Variants in MACROD2 observed in about 807,000 individuals in gnomAD.
MACROD2 encodes mono-ADP ribosylhydrolase 2, also known as ADP-ribose glycohydrolase MACROD2.
Under a neutral mutation model 70.4 loss-of-function variants are expected in MACROD2, and 36 were observed. That is an observed-to-expected ratio of 0.51 (90% CI 0.39 to 0.68). MACROD2 has a LOEUF of 0.68. MACROD2 is among the 30% of genes least tolerant of loss of function. The pLI is 0.00. For missense variants in MACROD2, 496 were observed against 538.4 expected, an observed-to-expected ratio of 0.92 and a Z score of 0.78; for synonymous variants, 172 against 178.8, an observed-to-expected ratio of 0.96 and a Z score of 0.30.
At position 15,211,355 on chromosome 20, in the gene MACROD2, A is replaced by G. The variant is rs544890085; in HGVS notation, c.419-18585A>G. 1.2e-3 allele frequency among the ~76,000 whole-genome samples: 182 copies of G among 152,240 alleles called. 5 individuals carry two copies. The South Asian group carries it at 0.037, about 31-fold the overall frequency. On this transcript the variant is annotated intron_variant, in intron 5 of 17. Transcript: ENST00000684519. The stretch of plus-strand genomic sequence containing the variant: ...TTCATTCATCAGTTGATGGACATTG[A>G]GTTGTTTCCATTTTGAGCTATTATA...
At chr20:14,625,228 C>T (rs1441116540) in intron 4 of MACROD2, among the ~76,000 whole-genome samples, 1 of 151,824 alleles carries the variant, frequency 6.6e-6, no homozygotes, top group Non-Finnish European at 1.5e-5. Context: ...TCGAGAGGCT[C>T]AGGCAGGAGA....
chr20:15,995,435 C>T (rs530870051), intron 15 of MACROD2, among the ~76,000 whole-genome samples: 9 of 151,470 alleles, frequency 5.9e-5, no homozygotes, highest in Non-Finnish European at 7.4e-5. Context: ...CTGCAAGCTC[C>T]GCCTCCCAGG....
intron 3 of MACROD2, among the ~76,000 whole-genome samples, chr20:14,190,422 G>A (rs1247456039): frequency 1.3e-5 from 2 of 151,690 alleles, no homozygotes; most frequent in African/African-American, 4.8e-5. Flanking sequence ...AGCTTTTGTA[G>A]GTATAGCTAA....
intron 2 of MACROD2, among the ~76,000 whole-genome samples, chr20:14,040,323 AT>A (rs980866884): frequency 7.9e-5 from 12 of 152,292 alleles, no homozygotes; most frequent in South Asian, 2.1e-4. Context: ...ACACAATAGT[AT>A]TTGTGTATCT....
chr20:15,373,568 A>T (rs974735688), intron 6 of MACROD2, among the ~76,000 whole-genome samples: 2 of 151,920 alleles, frequency 1.3e-5, no homozygotes, highest in Non-Finnish European at 2.9e-5. Flanking sequence ...GCACTTAGTT[A>T]GTATTTTTAT....
rs986817529 is a variant in MACROD2 at position 15,336,624 on chromosome 20, C to T, written c.541-94781C>T. On this transcript the variant is annotated intron_variant, in intron 6 of 17. Transcript: ENST00000684519. Reference sequence around the variant, plus strand: ...AGAAGTTTTGGGAAGAATTCAGTTACATTTCAAAAGTCTTGCTCTTCAGAA... The same window carrying T: ...AGAAGTTTTGGGAAGAATTCAGTTATATTTCAAAAGTCTTGCTCTTCAGAA... Among the ~76,000 whole-genome samples, 56 of 83,310 alleles carry T rather than the reference C, an allele frequency of 6.7e-4. 3 individuals are homozygous for T. Among genetic ancestry groups the T allele is most frequent in the African/African-American group, 2.8e-3 (53 of 18,964 alleles). 54.7% of individuals were successfully genotyped at this position (83,310 alleles called of 152,430 possible).
intron 3 of MACROD2, among the ~76,000 whole-genome samples, chr20:14,121,037 A>C (rs1489231797): frequency 6.6e-6 from 1 of 152,036 alleles, no homozygotes; most frequent in Admixed American, 6.6e-5. Context: ...GAAGGAAAAA[A>C]CAGTATTTTT....
At position 15,059,458 on chromosome 20, in the gene MACROD2, A is replaced by G. The variant is rs896791703; in HGVS notation, c.419-170482A>G. Among the ~76,000 whole-genome samples, 14 of 152,326 alleles carry G rather than the reference A, an allele frequency of 9.2e-5. 1 individual carries two copies. The highest frequency in any genetic ancestry group is 3.1e-4 in the African/African-American group (13 of 41,586). Reference sequence around the variant, plus strand: ...ACATTATGATTAAGTGGATCTCAGCAACTGATGTCTTCTGAGATGGGTTGT... The same window carrying G: ...ACATTATGATTAAGTGGATCTCAGCGACTGATGTCTTCTGAGATGGGTTGT... On this transcript the variant is annotated intron_variant, in intron 5 of 17. Transcript: ENST00000684519.
At chr20:15,367,904 T>G (rs898790779) in intron 6 of MACROD2, among the ~76,000 whole-genome samples, 3 of 152,160 alleles carry the variant, frequency 2.0e-5, no homozygotes, top group Non-Finnish European at 2.9e-5. Context: ...TTTTATATAT[T>G]TTTTTCAATT....
At chr20:15,487,673 G>A (rs1420607559) in intron 7 of MACROD2, among the ~76,000 whole-genome samples, 1 of 152,014 alleles carries the variant, frequency 6.6e-6, no homozygotes, top group Non-Finnish European at 1.5e-5. Flanking sequence ...TCATGGCCAA[G>A]GTCTGTCTTA....
In MACROD2 at chr20:14,124,310, G is replaced by A. The variant is rs143648082; in HGVS notation, c.271+38582G>A. On this transcript the variant is annotated intron_variant, in intron 3 of 17. Coordinates refer to ENST00000684519, the MANE Select transcript of MACROD2 (RefSeq NM_001351661.2). ...CATTCCATGGCTTAGGCCACCTTTA[G>A]AGGGAATATACCATGTGAGCTCCTA... Among the ~76,000 whole-genome samples, 450 of 152,196 alleles carry A rather than the reference G, an allele frequency of 3.0e-3. 2 individuals are homozygous for A. The highest frequency in any genetic ancestry group is 0.01 in the African/African-American group (425 of 41,538).
intron 5 of MACROD2, among the ~76,000 whole-genome samples, chr20:15,219,363 A>T (rs2076838727): frequency 6.6e-6 from 1 of 152,162 alleles, no homozygotes; most frequent in South Asian, 2.1e-4. Flanking sequence ...CAGCAATGTA[A>T]GCCACCCTGC....
intron 8 of MACROD2, among the ~76,000 whole-genome samples, chr20:15,859,462 C>G (rs1251339935): frequency 6.6e-6 from 1 of 152,136 alleles, no homozygotes; most frequent in Non-Finnish European, 1.5e-5. Context: ...CGCATGCCAT[C>G]TTGGAAGACA....
intron 4 of MACROD2, among the ~76,000 whole-genome samples, chr20:14,651,030 T>C (rs1346538154): frequency 6.6e-6 from 1 of 152,150 alleles, no homozygotes; most frequent in East Asian, 1.9e-4. Context: ...AGCCACTCCA[T>C]AGAATATTAG....
chr20:15,222,273 TGAAAAGGAACATCTTATA>T (rs2076868723), intron 5 of MACROD2, among the ~76,000 whole-genome samples: 1 of 152,174 alleles, frequency 6.6e-6, no homozygotes, highest in Admixed American at 6.5e-5. Flanking sequence ...TTCGGCAGAT[TGAAAAGGAACATCTTATA>T]GACAATTGAT....
chr20:14,273,525 G>A (rs535028162), intron 3 of MACROD2, among the ~76,000 whole-genome samples: 8 of 146,696 alleles, frequency 5.5e-5, no homozygotes, highest in South Asian at 4.7e-4. Context: ...AGCACTAAAT[G>A]CCCACAAGAG....
chr20:14,185,749 A>C (rs1446855359), intron 3 of MACROD2, among the ~76,000 whole-genome samples: 6 of 152,184 alleles, frequency 3.9e-5, no homozygotes, highest in Admixed American at 3.9e-4. Context: ...TAGATGAGCT[A>C]ATCTTTTTAA....
At chr20:14,282,050 A>T (rs1473593549) in intron 3 of MACROD2, among the ~76,000 whole-genome samples, 1 of 151,964 alleles carries the variant, frequency 6.6e-6, no homozygotes, top group Non-Finnish European at 1.5e-5. Context: ...AATGAGTAGC[A>T]TTGCTTTACA....
intron 4 of MACROD2, among the ~76,000 whole-genome samples, chr20:14,603,287 A>G (rs1048952301): frequency 1.4e-4 from 22 of 152,212 alleles, no homozygotes; most frequent in South Asian, 2.1e-4. Context: ...ACAATTGTGG[A>G]TGATGGTACC....
Sources: allele counts gnomAD v4.1 joint callset (sites outside exome capture counted in the v4.1 genomes callset), GRCh38; gene constraint gnomAD v4.1.1; transcripts MANE v1.5; gene names NCBI Gene and HGNC (gene_info 2026-07-23, HGNC 2026-07-21).